The following PLEKHH2 variants were observed in gnomAD, a reference collection of about 807,000 sequenced individuals.
PLEKHH2 encodes the protein pleckstrin homology, MyTH4 and FERM domain containing H2.
A neutral mutation model predicts 187.9 loss-of-function variants in PLEKHH2; 129 were observed. That is an observed-to-expected ratio of 0.69 (90% CI 0.59 to 0.79). The LOEUF (loss-of-function observed/expected upper bound fraction) is 0.79, where lower values mean the gene tolerates loss of function less well. Among genes scored for constraint, PLEKHH2 ranks in the 30% least tolerant of loss-of-function variants. The probability of loss-of-function intolerance (pLI) is 0.00; values close to 1 mark genes in which losing one functional copy is unlikely to be tolerated. For synonymous variants in PLEKHH2, 686 were observed against 605.6 expected (o/e 1.13, Z -1.95); for missense variants, 2,076 against 1,751.2 (o/e 1.19, Z -3.31).
rs755109866 is a variant in PLEKHH2, at chr2:43,707,390, C to T, written c.1822-11C>T. The T allele has an allele frequency of 6.2e-7, 1 of 1,613,806 alleles. No homozygotes were observed. Among genetic ancestry groups the T allele is most frequent in the South Asian group, 1.1e-5 (1 of 91,074 alleles). On this transcript the variant is annotated splice_polypyrimidine_tract_variant and intron_variant, in intron 10 of 29. Transcript: ENST00000282406. ...GGATGGATACAGGGAGGTTGTTCCA[C>T]TTTTCTTTAGAAGGCGACCCAAATA...
chr2:43,726,343 A>G lies in PLEKHH2; in HGVS notation c.2613A>G (p.Glu871=). The G allele has an allele frequency of 6.2e-7, 1 of 1,611,674 alleles. No individual in the cohort carries two copies. Among genetic ancestry groups the G allele is most frequent in the Non-Finnish European group, 8.5e-7 (1 of 1,177,832 alleles). ...EEVDRSCDSD[E]DYEASGRSLL... Reference sequence around the variant, plus strand: ...TTGACAGATCTTGTGATTCAGATGAAGATTATGAAGCCAGTGGACGAAGTC... The same window carrying G: ...TTGACAGATCTTGTGATTCAGATGAGGATTATGAAGCCAGTGGACGAAGTC... The change falls in exon 17 of 30, where the codon GAA becomes GAG. Residue 871 remains glutamate, a synonymous_variant. Transcript: ENST00000282406.
Position 43,745,970 on chromosome 2 carries a change from A to G in PLEKHH2, c.3653+7A>G. On this transcript the variant is annotated splice_region_variant and intron_variant, in intron 24 of 29. Coordinates refer to ENST00000282406, the MANE Select transcript of PLEKHH2 (RefSeq NM_172069.4). ...GTCTGACATACAAAAACAGGTGTGTAATACTGCATCCAGATGCCAAAGTAT... is the reference window on the plus strand; with the variant it reads ...GTCTGACATACAAAAACAGGTGTGTGATACTGCATCCAGATGCCAAAGTAT... 1 of 1,575,388 alleles carries G rather than the reference A, an allele frequency of 6.3e-7. No individual in the cohort carries two copies. Among genetic ancestry groups the G allele is most frequent in the Non-Finnish European group, 8.7e-7 (1 of 1,149,674 alleles).
chr2:43,741,082 C>G (rs1472269290), intron 21 of PLEKHH2, 39 bp downstream of exon 21: 1 of 1,524,048 alleles, frequency 6.6e-7, no homozygotes, highest in Non-Finnish European at 9.0e-7. Context: ...TTTATGTGGC[C>G]TCTGAAAGTC....
intron 19 of PLEKHH2, among the ~76,000 whole-genome samples, chr2:43,736,791 A>G (rs899527330): frequency 3.3e-5 from 5 of 152,144 alleles, no homozygotes; most frequent in Non-Finnish European, 1.5e-5. Flanking sequence ...TCTGTTCTCC[A>G]GCCTGGGCAA....
chr2:43,696,103 T>A (rs954055563), intron 6 of PLEKHH2, among the ~76,000 whole-genome samples: 1 of 152,154 alleles, frequency 6.6e-6, no homozygotes, highest in African/African-American at 2.4e-5. Context: ...AATCCGCTGA[T>A]AAACTCAAGA....
chr2:43,648,226 C>T (rs1239666315), intron 2 of PLEKHH2, among the ~76,000 whole-genome samples: 2 of 152,154 alleles, frequency 1.3e-5, no homozygotes, highest in South Asian at 2.1e-4. Flanking sequence ...TCTTGCTCTG[C>T]TGCCCAGGTT....
At chr2:43,649,432 T>C (rs1666360638) in intron 2 of PLEKHH2, among the ~76,000 whole-genome samples, 1 of 152,260 alleles carries the variant, frequency 6.6e-6, no homozygotes, top group South Asian at 2.1e-4. Flanking sequence ...TACCTCTACC[T>C]GATGTGGCAT....
At chr2:43,744,472 G>A (rs773519256) in intron 23 of PLEKHH2, among the ~76,000 whole-genome samples, 2 of 152,208 alleles carry the variant, frequency 1.3e-5, no homozygotes, top group Non-Finnish European at 2.9e-5. Flanking sequence ...TGAAAGTGAT[G>A]AAAGTTTTGA....
chr2:43,651,024 T>C (rs902137400), intron 2 of PLEKHH2, among the ~76,000 whole-genome samples: 1 of 152,184 alleles, frequency 6.6e-6, no homozygotes, highest in African/African-American at 2.4e-5. Flanking sequence ...CTAATGTATA[T>C]TTACATTAAT....
chr2:43,707,545 G>GGT lies in PLEKHH2; in HGVS notation c.1966+2_1966+3dup. The GGT allele has an allele frequency of 6.2e-7, 1 of 1,613,636 alleles. No individual in the cohort carries two copies. Among genetic ancestry groups the GGT allele is most frequent in the Non-Finnish European group, 8.5e-7 (1 of 1,179,768 alleles). On this transcript the variant is annotated frameshift_variant and splice_region_variant. Coordinates refer to ENST00000282406, the MANE Select transcript of PLEKHH2 (RefSeq NM_172069.4). LOFTEE classifies it high-confidence loss of function. ...AGGCAGCCCCAGAGCCATGAAACGA[G>GGT]GTGAGGGAAAATCGCAGGCATATGA... is the stretch of plus-strand genomic sequence containing the variant.
At position 43,700,741 on chromosome 2, in the gene PLEKHH2, C is replaced by G. The variant is rs149749111; in HGVS notation, c.1650+133C>G. Reference sequence around the variant, plus strand: ...GATCTTGGCTCACTGCAACCTCCATCTCCCGGGTTCAAGTGATTCTCCTGC... The same window carrying G: ...GATCTTGGCTCACTGCAACCTCCATGTCCCGGGTTCAAGTGATTCTCCTGC... On this transcript the variant is annotated intron_variant, in intron 8 of 29. Coordinates refer to ENST00000282406, the MANE Select transcript of PLEKHH2 (RefSeq NM_172069.4). 858 of 1,172,248 alleles carry G rather than the reference C, an allele frequency of 7.3e-4. 16 individuals carry two copies. In the East Asian group the frequency reaches 0.02, roughly 27 times the overall value. The allele number at this position is 1,172,248 out of a possible 1,614,324, so 72.6% of individuals were successfully genotyped here.
At chr2:43,731,965 T>G (rs112477524) in intron 19 of PLEKHH2, among the ~76,000 whole-genome samples, 1 of 152,172 alleles carries the variant, frequency 6.6e-6, no homozygotes, top group African/African-American at 2.4e-5. Flanking sequence ...AATTTCTTAT[T>G]CCTCAATCTC....
At chr2:43,709,470 A>G (rs1035505737) in intron 11 of PLEKHH2, among the ~76,000 whole-genome samples, 1 of 152,220 alleles carries the variant, frequency 6.6e-6, no homozygotes, top group Non-Finnish European at 1.5e-5. Context: ...TATTTTATAT[A>G]TGTAAAATAG....
chr2:43,648,533 G>C (rs1010013115), intron 2 of PLEKHH2, among the ~76,000 whole-genome samples: 1 of 150,320 alleles, frequency 6.7e-6, no homozygotes, highest in Non-Finnish European at 1.5e-5. Flanking sequence ...AAGTGAACAG[G>C]GGAGGTGACC....
At chr2:43,651,908 T>A (rs527915593) in intron 2 of PLEKHH2, among the ~76,000 whole-genome samples, 1 of 152,356 alleles carries the variant, frequency 6.6e-6, no homozygotes, top group African/African-American at 2.4e-5. Context: ...TTTCCTGTTT[T>A]TATGTTTGTA....
chr2:43,641,931 A>G (rs757684537), intron 1 of PLEKHH2, among the ~76,000 whole-genome samples: 3 of 152,212 alleles, frequency 2.0e-5, no homozygotes, highest in Non-Finnish European at 4.4e-5. Flanking sequence ...TGAGTCCTCC[A>G]ACTTTTCAAT....
At chr2:43,750,724 A>G (rs1401416852) in intron 24 of PLEKHH2, among the ~76,000 whole-genome samples, 3 of 152,214 alleles carry the variant, frequency 2.0e-5, no homozygotes, top group African/African-American at 7.2e-5. Flanking sequence ...GCCTAAGACT[A>G]TGAAAGGGAA....
chr2:43,641,342 A>C (rs1180849238), intron 1 of PLEKHH2, among the ~76,000 whole-genome samples: 3 of 152,136 alleles, frequency 2.0e-5, no homozygotes, highest in African/African-American at 7.2e-5. Flanking sequence ...CTGTTGCCTA[A>C]TCCAAGGTCA....
At chr2:43,703,333 G>T (rs1669481983) in intron 8 of PLEKHH2, among the ~76,000 whole-genome samples, 1 of 152,184 alleles carries the variant, frequency 6.6e-6, no homozygotes, top group Admixed American at 6.5e-5. Flanking sequence ...GAAGAGAAGA[G>T]AAAACAAAAT....
Sources: gnomAD v4.1 joint callset for allele counts (sites outside exome capture counted in the v4.1 genomes callset) on GRCh38, gnomAD v4.1.1 for gene constraint, MANE v1.5 for transcripts, NCBI Gene and HGNC (gene_info 2026-07-23, HGNC 2026-07-21) for gene names.